Variants in ANKRD18B observed in about 807,000 individuals in gnomAD.
ANKRD18B encodes the protein ankyrin repeat domain 18B, also known as ankyrin repeat domain-containing protein 18B.
In ANKRD18B, 75 loss-of-function variants were observed where a neutral mutation model predicts 111.8. The ratio of observed to expected loss-of-function variants is 0.67; its 90% CI spans 0.56 to 0.81. The LOEUF (loss-of-function observed/expected upper bound fraction) is 0.81. ANKRD18B is among the 40% of genes least tolerant of loss of function. The pLI, the probability that ANKRD18B is intolerant of heterozygous loss-of-function variation, is 0.00. For synonymous variants in ANKRD18B, 356 were observed against 417.3 expected (o/e 0.85, Z 1.79); for missense variants, 1,038 against 1,225.5 (o/e 0.85, Z 2.28).
At chr9:33,552,705 T>C (rs1394640138) in intron 12 of ANKRD18B, among the ~76,000 whole-genome samples, 1 of 151,946 alleles carries the variant, frequency 6.6e-6, no homozygotes, top group African/African-American at 2.4e-5. Context: ...CCACTTCCAT[T>C]GGAATGCCAC....
downstream of ANKRD18B, chr9:33,573,084 G>T (rs1158075077): frequency 1.8e-5 from 18 of 976,816 alleles, no homozygotes; most frequent in Non-Finnish European, 2.2e-5. Flanking sequence ...ATGTCTTTTT[G>T]ATTTGTCCCC....
At chr9:33,571,504 A>T (rs1828775319) in intron 18 of ANKRD18B, 1 of 166,740 alleles carries the variant, frequency 6.0e-6, no homozygotes, top group Admixed American at 6.5e-5. Flanking sequence ...AGCTTAAAAA[A>T]TTCCCAAGAA....
intron 1 of ANKRD18B, among the ~76,000 whole-genome samples, chr9:33,526,742 T>C (rs1263266978): frequency 1.3e-5 from 2 of 152,212 alleles, no homozygotes; most frequent in African/African-American, 2.4e-5. Flanking sequence ...AGATTTTATG[T>C]ATATACTTTA....
chr9:33,564,615 T>C (rs1188336275), intron 14 of ANKRD18B, among the ~76,000 whole-genome samples: 1 of 152,216 alleles, frequency 6.6e-6, no homozygotes, highest in African/African-American at 2.4e-5. Context: ...TTGAGAAAAC[T>C]TCATATTGTT....
At chr9:33,535,648 T>A (rs2118004629) in intron 5 of ANKRD18B, among the ~76,000 whole-genome samples, 1 of 148,078 alleles carries the variant, frequency 6.8e-6, no homozygotes, top group South Asian at 2.1e-4. Flanking sequence ...TTATATTGCA[T>A]ATAGATTATA....
chr9:33,529,063 A>C lies in ANKRD18B; in HGVS notation c.385A>C (p.Ile129Leu). Reference protein sequence around the residue: ...ILLKRGANPNIKDIYGNTALH... With the variant: ...ILLKRGANPNLKDIYGNTALH... ...CCTGAAACGTGGCGCCAATCCAAAC[A>C]TTAAGGATATCTACGGCAACACTGC... is the stretch of plus-strand genomic sequence containing the variant. The change falls in exon 3 of 19, where the codon ATT (isoleucine) becomes CTT (leucine). Residue 129 changes from isoleucine (I) to leucine (L), a missense_variant. This residue lies in a region of ANKRD18B where 216 missense variants were observed against 205.1 expected (regional missense o/e 1.05). Transcript: ENST00000684830. 2 of 1,612,228 alleles carry C rather than the reference A, an allele frequency of 1.2e-6. No individual in the cohort carries two copies. Among genetic ancestry groups the C allele is most frequent in the South Asian group, 1.1e-5 (1 of 90,988 alleles).
rs1828686931 is a variant in ANKRD18B, at chr9:33,566,486, GA to G, written c.2731del (p.Ile911SerfsTer13). 6.2e-7 allele frequency: 1 copy of G among 1,605,758 alleles called. No individual in the cohort carries two copies. The highest frequency in any genetic ancestry group is 8.5e-7 in the Non-Finnish European group (1 of 1,178,368). On this transcript the variant is annotated frameshift_variant, in exon 15 of 19. Coordinates refer to ENST00000684830, the MANE Select transcript of ANKRD18B (RefSeq NM_001393611.1). LOFTEE classifies it high-confidence loss of function. Reference protein sequence around the residue: ...RAMQAIEKLEEIHLQKQAEYE... With the variant: ...RAMQAIEKLEXIHLQKQAEYE... The stretch of plus-strand genomic sequence containing the variant: ...AATGCAGGCAATAGAAAAATTAGAA[GA>G]AATCCATTTACAGGTTAGTTTTTAA...
chr9:33,533,246 A>G (rs633457), intron 3 of ANKRD18B, among the ~76,000 whole-genome samples, 193 bp from the exon 4 acceptor site: 1 of 152,198 alleles, frequency 6.6e-6, no homozygotes, highest in Non-Finnish European at 1.5e-5. Context: ...CGAAGTTAAC[A>G]TGGGGAGGCA....
At chr9:33,533,958 G>C (rs555301884) in intron 4 of ANKRD18B, 2 of 152,038 alleles carry the variant, frequency 1.3e-5, no homozygotes, top group African/African-American at 4.9e-5. Context: ...GTTGTTTTCA[G>C]CCTGCAGATA....
At position 33,572,502 on chromosome 9, in the gene ANKRD18B, CAT is replaced by C; in HGVS notation, c.*69_*70del. The stretch of plus-strand genomic sequence containing the variant: ...TAATTGTTTCTCATAAAATATAAAA[CAT>C]CACAATCTTTACTAAAGTAGAATAT... On this transcript the variant is annotated 3_prime_UTR_variant, in exon 19 of 19. Coordinates refer to ENST00000684830, the MANE Select transcript of ANKRD18B (RefSeq NM_001393611.1). 7.2e-7 allele frequency: 1 copy of C among 1,397,076 alleles called. No homozygotes were observed. The highest frequency in any genetic ancestry group is 9.4e-7 in the Non-Finnish European group (1 of 1,059,786). 86.5% of individuals were successfully genotyped at this position (1,397,076 alleles called of 1,614,324 possible).
chr9:33,566,191 A>G, intron 14 of ANKRD18B, 28 bp from the exon 15 acceptor site: 2 of 1,526,046 alleles, frequency 1.3e-6, no homozygotes, highest in South Asian at 2.5e-5. Context: ...CTACTTCATT[A>G]TCAAGCTCTA....
chr9:33,566,327 G>C lies in ANKRD18B; in HGVS notation c.2569G>C (p.Glu857Gln). 1.3e-6 allele frequency: 2 copies of C among 1,564,532 alleles called. No homozygotes were observed. Among genetic ancestry groups the C allele is most frequent in the Non-Finnish European group, 1.7e-6 (2 of 1,151,852 alleles). Residue 857 changes from glutamate (E) to glutamine (Q), a missense_variant, in exon 15 of 19, where the codon GAG becomes CAG. Transcript: ENST00000684830. ...QELLSMGKVQ[E>Q]KCEKLEKDKK... ...GTTATTATCTATGGGAAAAGTACAAGAGAAATGTGAAAAACTTGAGAAGGA... is the reference window on the plus strand; with the variant it reads ...GTTATTATCTATGGGAAAAGTACAACAGAAATGTGAAAAACTTGAGAAGGA...
At chr9:33,544,207 CAGTG>C (rs1828323343) in intron 10 of ANKRD18B, among the ~76,000 whole-genome samples, 1 of 152,158 alleles carries the variant, frequency 6.6e-6, no homozygotes, top group African/African-American at 2.4e-5. Context: ...TCCAAACAAA[CAGTG>C]AGAGTTAAGC....
In ANKRD18B at chr9:33,541,226, A is replaced by G; in HGVS notation, c.1077A>G (p.Lys359=). ...KKLKKRKEGA[K]EHNLKVASEE... Reference sequence around the variant, plus strand: ...TGAAAAAAAGAAAAGAAGGTGCAAAAGGTAAGACACTTGAGTATCTCTACT... The same window carrying G: ...TGAAAAAAAGAAAAGAAGGTGCAAAGGGTAAGACACTTGAGTATCTCTACT... Residue 359 remains lysine (K), a splice_region_variant and synonymous_variant, in exon 9 of 19, where the codon AAA becomes AAG. Transcript: ENST00000684830. 1.9e-6 allele frequency: 3 copies of G among 1,544,450 alleles called. No individual in the cohort carries two copies. Among genetic ancestry groups the G allele is most frequent in the Non-Finnish European group, 2.6e-6 (3 of 1,145,380 alleles).
At chr9:33,556,764 A>G (rs1447111114) in intron 13 of ANKRD18B, among the ~76,000 whole-genome samples, 2 of 152,082 alleles carry the variant, frequency 1.3e-5, no homozygotes, top group Non-Finnish European at 2.9e-5. Flanking sequence ...ATTTATCTGG[A>G]TATATAGCTT....
At position 33,572,391 on chromosome 9, in the gene ANKRD18B, G is replaced by A; in HGVS notation, c.3299G>A (p.Arg1100Lys). Residue 1100 changes from arginine (R) to lysine (K), a missense_variant, in exon 19 of 19, where the codon AGA (arginine) becomes AAA (lysine). Coordinates refer to ENST00000684830, the MANE Select transcript of ANKRD18B (RefSeq NM_001393611.1). Reference protein sequence around the residue: ...ESTGKPHLMKRIFNHKILRKS... With the variant: ...ESTGKPHLMKKIFNHKILRKS... ...ACTGGTAAGCCACATCTAATGAAGA[G>A]AATATTTAACCATAAAATCTTAAGG... 1 of 1,600,188 alleles carries A rather than the reference G, an allele frequency of 6.2e-7. No homozygotes were observed. The highest frequency in any genetic ancestry group is 8.5e-7 in the Non-Finnish European group (1 of 1,173,562).
At chr9:33,546,052 T>G (rs1412142785) in intron 10 of ANKRD18B, among the ~76,000 whole-genome samples, 1 of 152,208 alleles carries the variant, frequency 6.6e-6, no homozygotes, top group Admixed American at 6.6e-5. Flanking sequence ...CATGTGACCT[T>G]CTGAACCAGA....
chr9:33,552,033 G>A (rs1828454593), intron 12 of ANKRD18B, among the ~76,000 whole-genome samples: 1 of 152,188 alleles, frequency 6.6e-6, no homozygotes, highest in Non-Finnish European at 1.5e-5. Flanking sequence ...CACTTAAAGG[G>A]AAAATAATAT....
chr9:33,567,788 T>C (rs1176601362), intron 16 of ANKRD18B, among the ~76,000 whole-genome samples: 1 of 152,218 alleles, frequency 6.6e-6, no homozygotes, highest in African/African-American at 2.4e-5. Context: ...TTAGGTGTTA[T>C]CACTAGAGGG....
Sources: gnomAD v4.1 joint callset for allele counts (sites outside exome capture counted in the v4.1 genomes callset) on GRCh38, gnomAD v4.1.1 for gene constraint, gnomAD v4.1.1 regional missense constraint, MANE v1.5 for transcripts, NCBI Gene and HGNC (gene_info 2026-07-23, HGNC 2026-07-21) for gene names.